The following RBFOX1 variants were observed in gnomAD, a reference collection of about 807,000 sequenced individuals.
The protein encoded by RBFOX1 is RNA binding protein fox-1 homolog 1.
Under a neutral mutation model 57.7 loss-of-function variants are expected in RBFOX1, and 8 were observed. The ratio of observed to expected loss-of-function variants is 0.14; its 90% CI spans 0.08 to 0.25. The LOEUF (loss-of-function observed/expected upper bound fraction) is 0.25. Among genes scored for constraint, RBFOX1 ranks in the 10% least tolerant of loss-of-function variants. The pLI is 1.00. For synonymous variants in RBFOX1, 326 were observed against 222.4 expected (o/e 1.47, Z -4.15); for missense variants, 611 against 548.5 (o/e 1.11, Z -1.14).
At chr16:5,471,041 C>T (rs1231813229) in intron 2 of RBFOX1, among the ~76,000 whole-genome samples, 5 of 152,136 alleles carry the variant, frequency 3.3e-5, no homozygotes, top group Middle Eastern at 3.4e-3. Context: ...TTAGTAGAGA[C>T]GGGGCTGGTC....
intron 4 of RBFOX1, among the ~76,000 whole-genome samples, chr16:5,922,102 A>G (rs892181398): frequency 5.9e-5 from 9 of 152,180 alleles, no homozygotes; most frequent in Admixed American, 6.5e-5. Context: ...TCGAGGCTGC[A>G]GTGAGCTCTG....
At chr16:6,382,665 G>C (rs1596386170) in intron 2 of RBFOX1, among the ~76,000 whole-genome samples, 1 of 152,268 alleles carries the variant, frequency 6.6e-6, no homozygotes, top group Admixed American at 6.5e-5. Context: ...TTCTAGAGCA[G>C]CCTGGTCAAC....
intron 4 of RBFOX1, among the ~76,000 whole-genome samples, chr16:7,390,805 T>A (rs2097995805): frequency 1.3e-5 from 2 of 152,202 alleles, no homozygotes; most frequent in African/African-American, 4.8e-5. Context: ...AGAATATGAA[T>A]GTGCTTAAGG....
intron 4 of RBFOX1, among the ~76,000 whole-genome samples, chr16:7,413,183 C>G (rs1375261952): frequency 3.3e-5 from 5 of 152,058 alleles, no homozygotes. Context: ...TTTCATAACA[C>G]CAGCTTTTCC....
intron 1 of RBFOX1, among the ~76,000 whole-genome samples, chr16:6,071,178 G>A (rs7196039): frequency 1.3e-4 from 19 of 151,968 alleles, no homozygotes; most frequent in African/African-American, 3.9e-4. Context: ...AAAAATTAGC[G>A]GGACGTGTGG....
intron 1 of RBFOX1, among the ~76,000 whole-genome samples, chr16:5,421,954 G>C (rs2067341987): frequency 1.3e-5 from 2 of 152,154 alleles, no homozygotes; most frequent in Non-Finnish European, 1.5e-5. Context: ...AAAGAGCCAT[G>C]ATGCCTACTG....
chr16:6,111,299 A>G (rs563094164), intron 1 of RBFOX1, among the ~76,000 whole-genome samples: 11 of 152,132 alleles, frequency 7.2e-5, no homozygotes, highest in African/African-American at 2.4e-4. Flanking sequence ...TGTGACAACC[A>G]CTCTGTCTCA....
chr16:6,345,647 T>G (rs560027780), intron 2 of RBFOX1, among the ~76,000 whole-genome samples: 1 of 152,178 alleles, frequency 6.6e-6, no homozygotes, highest in East Asian at 1.9e-4. Context: ...TGAGGATGTG[T>G]TGGGAGCAAA....
intron 3 of RBFOX1, among the ~76,000 whole-genome samples, chr16:5,797,717 T>C (rs551945680): frequency 6.6e-6 from 1 of 152,198 alleles, no homozygotes; most frequent in Non-Finnish European, 1.5e-5. Flanking sequence ...CTAAATTTAT[T>C]AGGAAAATTA....
chr16:6,031,677 T>C (rs2095292355), intron 1 of RBFOX1, among the ~76,000 whole-genome samples: 1 of 152,172 alleles, frequency 6.6e-6, no homozygotes, highest in African/African-American at 2.4e-5. Context: ...TACGTGCATG[T>C]ATTGCAGCAG....
intron 2 of RBFOX1, among the ~76,000 whole-genome samples, chr16:6,606,862 G>C (rs1233055150): frequency 2.0e-5 from 3 of 151,990 alleles, no homozygotes; most frequent in African/African-American, 7.3e-5. Flanking sequence ...TATTCCTTTG[G>C]GTATATACCC....
At chr16:6,862,300 G>C (rs962254407) in intron 3 of RBFOX1, among the ~76,000 whole-genome samples, 1 of 152,140 alleles carries the variant, frequency 6.6e-6, no homozygotes, top group Admixed American at 6.5e-5. Context: ...AGTGGAGACT[G>C]TTTGCCTTGT....
intron 4 of RBFOX1, among the ~76,000 whole-genome samples, chr16:7,228,181 G>C (rs1275238298): frequency 6.6e-6 from 1 of 152,146 alleles, no homozygotes; most frequent in Non-Finnish European, 1.5e-5. Context: ...GTCTGGTTTG[G>C]TCGTGGTTGT....
In RBFOX1 at chr16:6,574,055, C is replaced by A. The variant is rs78805804; in HGVS notation, c.-63-80548C>A. ...CAATTTTTCTCTCGCTCTGCCAACC[C>A]TGTTCCCCTTTCAAGAATGTTTAAA... On this transcript the variant is annotated intron_variant, in intron 2 of 15. Coordinates refer to ENST00000550418, the MANE Select transcript of RBFOX1 (RefSeq NM_018723.4). Among the ~76,000 whole-genome samples the A allele has an allele frequency of 8.8e-3, 1,346 of 152,300 alleles. 24 individuals are homozygous for A. Among genetic ancestry groups the A allele is most frequent in the African/African-American group, 0.031 (1,277 of 41,562 alleles).
intron 3 of RBFOX1, among the ~76,000 whole-genome samples, chr16:5,668,223 G>C (rs184109582): frequency 6.6e-6 from 1 of 152,150 alleles, no homozygotes; most frequent in Admixed American, 6.6e-5. Flanking sequence ...GGAGGTTGCA[G>C]TGAGCTGAGA....
intron 3 of RBFOX1, among the ~76,000 whole-genome samples, chr16:7,013,405 G>C (rs2093746277): frequency 6.6e-6 from 1 of 152,192 alleles, no homozygotes; most frequent in Non-Finnish European, 1.5e-5. Context: ...GAGAACATGT[G>C]ACAATGTCTG....
At chr16:6,059,336 A>G (rs2095655251) in intron 1 of RBFOX1, 1 of 152,228 alleles carries the variant, frequency 6.6e-6, no homozygotes, top group Non-Finnish European at 1.5e-5. Context: ...AGTGCGTGGT[A>G]TCTCTTGTGC....
chr16:5,695,054 G>T (rs1277847349), intron 3 of RBFOX1, among the ~76,000 whole-genome samples: 3 of 152,036 alleles, frequency 2.0e-5, no homozygotes, highest in African/African-American at 7.2e-5. Context: ...GACACTGACA[G>T]TAATATATGT....
At chr16:6,459,315 G>A (rs931276898) in intron 2 of RBFOX1, among the ~76,000 whole-genome samples, 7 of 152,118 alleles carry the variant, frequency 4.6e-5, no homozygotes, top group African/African-American at 7.2e-5. Flanking sequence ...CAGCCTGGGC[G>A]ACAGAGGGCG....
Sources: allele counts gnomAD v4.1 joint callset (sites outside exome capture counted in the v4.1 genomes callset), GRCh38; gene constraint gnomAD v4.1.1; transcripts MANE v1.5; gene names NCBI Gene and HGNC (gene_info 2026-07-23, HGNC 2026-07-21).